SBNO1: variants seen among roughly 807,000 people sequenced by gnomAD.
SBNO1 encodes the protein strawberry notch homolog 1.
SBNO1 carries 23 observed loss-of-function variants against 173.6 expected under a neutral mutation model. That is an observed-to-expected ratio of 0.13 (90% confidence interval 0.10 to 0.19). SBNO1 has a LOEUF of 0.19. Among genes scored for constraint, SBNO1 ranks in the 10% least tolerant of loss-of-function variants. The pLI is 1.00. For missense variants in SBNO1, 1,238 were observed against 1,671.2 expected, an observed-to-expected ratio of 0.74 and a Z score of 4.52; for synonymous variants, 632 against 571.5, an observed-to-expected ratio of 1.11 and a Z score of -1.51.
chr12:123,318,417 T>A (rs1869551812), intron 20 of SBNO1, among the ~76,000 whole-genome samples: 2 of 151,216 alleles, frequency 1.3e-5, no homozygotes, highest in Non-Finnish European at 2.9e-5. Context: ...AAAGTGACGG[T>A]CCTTCTCAAA....
Position 123,298,145 on chromosome 12 carries a change from A to G in SBNO1, c.3872T>C (p.Leu1291Ser). 1 of 1,612,940 alleles carries G rather than the reference A, an allele frequency of 6.2e-7. No homozygotes were observed. The highest frequency in any genetic ancestry group is 8.5e-7 in the Non-Finnish European group (1 of 1,179,758). The stretch of plus-strand genomic sequence containing the variant: ...AAGACCTATTTCACAAACTAGCCCC[A>G]AGCTTGCTTTTTTGCAATTGCCGCG... Reference protein sequence around the residue: ...YWRGNCKKASLGLVCEIGLRC... With the variant: ...YWRGNCKKASSGLVCEIGLRC... The change falls in exon 31 of 32, where the codon TTG becomes TCG. Residue 1291 changes from leucine (L) to serine (S), a missense_variant. Transcript: ENST00000602398.
intron 8 of SBNO1, 78 bp downstream of exon 8, chr12:123,331,164 G>A: frequency 1.4e-6 from 2 of 1,435,444 alleles, no homozygotes; most frequent in Middle Eastern, 1.8e-4. Flanking sequence ...GAGTTTCACT[G>A]TGTTAGCCAG....
Position 123,320,939 on chromosome 12 carries a change from T to C in SBNO1, c.2324-73A>G, listed in dbSNP as rs1288647537. ...ACAGAATCTTCAAAGGAAACAACCT[T>C]TGAAATTTTATTTTTTTGAGACAAT... On this transcript the variant is annotated intron_variant, in intron 17 of 31. Coordinates refer to ENST00000602398, the MANE Select transcript of SBNO1 (RefSeq NM_001167856.3). 5 of 1,241,088 alleles carry C rather than the reference T, an allele frequency of 4.0e-6. No homozygotes were observed. In the East Asian group the frequency reaches 9.8e-5, roughly 24 times the overall value. 76.9% of individuals were successfully genotyped at this position (1,241,088 alleles called of 1,614,324 possible).
intron 25 of SBNO1, 150 bp from the exon 26 acceptor site, chr12:123,310,006 TTCTC>T: frequency 1.6e-6 from 1 of 636,188 alleles, no homozygotes; most frequent in South Asian, 2.2e-5. Flanking sequence ...ATCTGCCCAT[TTCTC>T]TCTCTAGCAA....
At chr12:123,317,491 A>G (rs988165194) in intron 20 of SBNO1, 135 bp from the exon 21 acceptor site, 2 of 774,542 alleles carry the variant, frequency 2.6e-6, no homozygotes, top group Non-Finnish European at 2.1e-6. Context: ...TTTATTTCCC[A>G]GTCTCCCTTA....
rs1321091087 is a variant in SBNO1 at position 123,290,691 on chromosome 12, T to C, written c.*5217A>G. The stretch of plus-strand genomic sequence containing the variant: ...GTCAGCCTAGGAGGCTCCAGAGCAG[T>C]TGCTTGGCTCTCTTTTGGAGGACAA... On this transcript the variant is annotated 3_prime_UTR_variant, in exon 32 of 32. Transcript: ENST00000602398. 6.6e-6 allele frequency: 1 copy of C among 152,106 alleles called. No homozygotes were observed. The highest frequency in any genetic ancestry group is 6.5e-5 in the Admixed American group (1 of 15,274). 9.4% of individuals were successfully genotyped at this position (152,106 alleles called of 1,614,324 possible).
At chr12:123,311,722 A>ATCTATCTATCTATCTATC (rs55840692) in intron 24 of SBNO1, among the ~76,000 whole-genome samples, 18 of 94,522 alleles carry the variant, frequency 1.9e-4, no homozygotes, top group East Asian at 3.1e-4. Context: ...CTATCTATCT[A>ATCTATCTATCTATCTATC]TATATATATA....
chr12:123,309,933 C>T, intron 25 of SBNO1, 77 bp from the exon 26 acceptor site: 7 of 1,109,462 alleles, frequency 6.3e-6, no homozygotes, highest in Non-Finnish European at 7.9e-6. Flanking sequence ...TAGTTCAAGT[C>T]CCACTTTCTC....
At position 123,346,806 on chromosome 12, in the gene SBNO1, G is replaced by A. The variant is rs140227192; in HGVS notation, c.237+1223C>T. Among the ~76,000 whole-genome samples, 1,030 of 151,978 alleles carry A rather than the reference G, an allele frequency of 6.8e-3. 9 individuals are homozygous for A. The highest frequency in any genetic ancestry group is 0.013 in the African/African-American group (545 of 41,454). The stretch of plus-strand genomic sequence containing the variant: ...AAAATATCTTTGTGGGGCTGGGAGC[G>A]GTGGCTCACATCTGTAATCCCAGCA... On this transcript the variant is annotated intron_variant, in intron 3 of 31. Transcript: ENST00000602398.
At chr12:123,342,839 T>C (rs1030961918) in intron 4 of SBNO1, among the ~76,000 whole-genome samples, 12 of 152,242 alleles carry the variant, frequency 7.9e-5, no homozygotes, top group South Asian at 6.2e-4. Context: ...TCACTGCCTT[T>C]AGGGAAGAGA....
chr12:123,335,179 C>T (rs966571587), intron 6 of SBNO1, among the ~76,000 whole-genome samples: 3 of 152,206 alleles, frequency 2.0e-5, no homozygotes, highest in African/African-American at 7.2e-5. Flanking sequence ...GTGGCTCACG[C>T]CTGTAATCTC....
Position 123,323,718 on chromosome 12 carries a change from T to C in SBNO1, c.2087A>G (p.Asp696Gly). 2 of 1,611,758 alleles carry C rather than the reference T, an allele frequency of 1.2e-6. No homozygotes were observed. The highest frequency in any genetic ancestry group is 1.7e-6 in the Non-Finnish European group (2 of 1,179,358). The part of the protein sequence containing the change: ...TAPSNNSSPR[D>G]SPCKENKIKK... ...TATTTTATTTTCTTTACAAGGACTATCTCTTGGCGAACTGTTGTTACTTGG... is the reference window on the plus strand; with the variant it reads ...TATTTTATTTTCTTTACAAGGACTACCTCTTGGCGAACTGTTGTTACTTGG... The change falls in exon 16 of 32, where the codon GAT (aspartate) becomes GGT (glycine). Residue 696 changes from aspartate (D) to glycine (G), a missense_variant. Asp to Gly is a moderately conservative substitution (Grantham distance 94). Around this residue, in one of 14 missense-constraint regions of SBNO1, gnomAD observed 81 missense variants for 82.6 expected, o/e 0.98. Transcript: ENST00000602398.
intron 1 of SBNO1, among the ~76,000 whole-genome samples, chr12:123,352,381 G>A (rs563932667): frequency 3.9e-5 from 6 of 152,252 alleles, no homozygotes; most frequent in South Asian, 2.1e-4. Flanking sequence ...GCGCGGTCTC[G>A]GCTCACTGCA....
intron 23 of SBNO1, 49 bp downstream of exon 23, chr12:123,315,324 C>T: frequency 1.4e-6 from 2 of 1,404,824 alleles, no homozygotes; most frequent in Non-Finnish European, 2.0e-6. Context: ...TCCCGAAAGA[C>T]ACCATACACT....
intron 15 of SBNO1, 31 bp from the exon 16 acceptor site, chr12:123,323,862 T>G: frequency 6.6e-7 from 1 of 1,520,064 alleles, no homozygotes; most frequent in Admixed American, 2.3e-5. Flanking sequence ...CAATTACTGC[T>G]TCAGTTGACA....
At chr12:123,298,505 T>C (rs992785171) in intron 30 of SBNO1, among the ~76,000 whole-genome samples, 6 of 152,180 alleles carry the variant, frequency 3.9e-5, no homozygotes, top group Admixed American at 2.6e-4. Flanking sequence ...TGATCCACCC[T>C]TGGCTTCCCA....
chr12:123,362,162 C>T (rs1286688813), intron 1 of SBNO1, among the ~76,000 whole-genome samples: 8 of 147,052 alleles, frequency 5.4e-5, no homozygotes, highest in African/African-American at 1.0e-4. Flanking sequence ...TTCTGTTGGG[C>T]GTGGTGGCTC....
intron 18 of SBNO1, 45 bp from the exon 19 acceptor site, chr12:123,320,652 T>C (rs946860919): frequency 6.3e-7 from 1 of 1,598,456 alleles, no homozygotes; most frequent in Non-Finnish European, 8.5e-7. Context: ...AGTTTAAATA[T>C]TTTTGTTTAA....
intron 23 of SBNO1, among the ~76,000 whole-genome samples, chr12:123,315,001 C>T (rs902017961): frequency 4.6e-5 from 7 of 152,018 alleles, no homozygotes; most frequent in African/African-American, 1.7e-4. Flanking sequence ...CCTTGGCCTC[C>T]CAAAGTGCTG....
Sources: gnomAD v4.1 joint callset for allele counts (sites outside exome capture counted in the v4.1 genomes callset) on GRCh38, gnomAD v4.1.1 for gene constraint, gnomAD v4.1.1 regional missense constraint, MANE v1.5 for transcripts, NCBI Gene and HGNC (gene_info 2026-07-23, HGNC 2026-07-21) for gene names.